SYNE1: variants seen among roughly 807,000 people sequenced by gnomAD.
The protein encoded by SYNE1 is spectrin repeat containing nuclear envelope protein 1, also known as nesprin-1.
SYNE1 carries 616 observed loss-of-function variants against 1,111.0 expected under a neutral mutation model. The ratio of observed to expected loss-of-function variants is 0.55; its 90% CI spans 0.52 to 0.59. SYNE1 has a LOEUF of 0.59. Ranked by LOEUF, SYNE1 falls within the 20% of genes least tolerant of loss-of-function variation. The pLI is 0.00. For missense variants in SYNE1, 10,006 were observed against 10,417.0 expected, an observed-to-expected ratio of 0.96 and a Z score of 1.72; for synonymous variants, 3,855 against 3,825.8, an observed-to-expected ratio of 1.01 and a Z score of -0.28.
intron 130 of SYNE1, among the ~76,000 whole-genome samples, chr6:152,175,401 G>A (rs2066188137): frequency 6.6e-6 from 1 of 152,156 alleles, no homozygotes; most frequent in South Asian, 2.1e-4. Flanking sequence ...GTACGCAGAG[G>A]ACATTGTTTC....
chr6:152,536,852 G>A (rs1486709663), intron 4 of SYNE1, among the ~76,000 whole-genome samples: 1 of 151,874 alleles, frequency 6.6e-6, no homozygotes, highest in Non-Finnish European at 1.5e-5. Context: ...TAAGCTTCTG[G>A]TTCATAATCT....
chr6:152,573,048 T>A (rs1242138695), intron 3 of SYNE1, among the ~76,000 whole-genome samples: 3 of 152,082 alleles, frequency 2.0e-5, no homozygotes, highest in Non-Finnish European at 4.4e-5. Context: ...TTGTTGAATA[T>A]CCTCAGGCAA....
chr6:152,318,644 C>T (rs1443581715), intron 85 of SYNE1, among the ~76,000 whole-genome samples: 5 of 152,226 alleles, frequency 3.3e-5, no homozygotes, highest in African/African-American at 1.2e-4. Flanking sequence ...CTTTCGTACA[C>T]ACTCATGCAT....
chr6:152,409,535 A>C, intron 43 of SYNE1, 24 bp downstream of exon 43: 1 of 1,612,284 alleles, frequency 6.2e-7, no homozygotes, highest in Non-Finnish European at 8.5e-7. Flanking sequence ...CAGAATACCA[A>C]CATAAACACA....
chr6:152,359,304 C>T lies in SYNE1; in HGVS notation c.10443+11G>A. 2 of 1,613,546 alleles carry T rather than the reference C, an allele frequency of 1.2e-6. No homozygotes were observed. The highest frequency in any genetic ancestry group is 1.7e-6 in the Non-Finnish European group (2 of 1,179,920). On this transcript the variant is annotated intron_variant, in intron 65 of 145. Coordinates refer to ENST00000367255, the MANE Select transcript of SYNE1 (RefSeq NM_182961.4). Reference sequence around the variant, plus strand: ...TTTTGGTGAGTCTACAAGGAAAGTGCTTTGCCGTACCTTGGCCCTCTCTTG... The same window carrying T: ...TTTTGGTGAGTCTACAAGGAAAGTGTTTTGCCGTACCTTGGCCCTCTCTTG...
At chr6:152,282,026 T>C in intron 96 of SYNE1, 46 bp from the exon 97 acceptor site, 2 of 1,592,450 alleles carry the variant, frequency 1.3e-6, no homozygotes, top group African/African-American at 1.3e-5. Flanking sequence ...TAAGGTAAAA[T>C]CTTGAGAATT....
At chr6:152,354,618 C>T (rs778663925) in intron 67 of SYNE1, 41 bp downstream of exon 67, 1 of 1,607,826 alleles carries the variant, frequency 6.2e-7, no homozygotes, top group Non-Finnish European at 8.5e-7. Context: ...TGCAAGGTAA[C>T]TGTAGCTTTG....
In SYNE1 at chr6:152,483,118, T is replaced by C. The variant is rs761176431; in HGVS notation, c.1317A>G (p.Ala439=). 1.2e-6 allele frequency: 2 copies of C among 1,614,260 alleles called. No homozygotes were observed. The highest frequency in any genetic ancestry group is 2.2e-5 in the South Asian group (2 of 91,090). Residue 439 remains alanine (A), a synonymous_variant, in exon 14 of 146, where the codon GCA becomes GCG. Coordinates refer to ENST00000367255, the MANE Select transcript of SYNE1 (RefSeq NM_182961.4). ...ITVQQVHEET[A]NTIQRKLEQH... ...GCTCAAGTTTCCGTTGTATCGTGTT[T>C]GCTGTTTCCTCGTGGACCTGTTGAA...
In SYNE1 at chr6:152,381,446, C is replaced by T. The variant is rs6908426; in HGVS notation, c.8653-84G>A. 2,018 of 1,421,936 alleles carry T rather than the reference C, an allele frequency of 1.4e-3. 21 individuals carry two copies. The African/African-American group carries it at 0.025, about 18-fold the overall frequency. 88.1% of individuals were successfully genotyped at this position (1,421,936 alleles called of 1,614,324 possible). ...TTTCAACTGTGTACACAGGGGGACC[C>T]TGTCCTGCCAGGAAGTTTTAACAAG... On this transcript the variant is annotated intron_variant, in intron 55 of 145. Coordinates refer to ENST00000367255, the MANE Select transcript of SYNE1 (RefSeq NM_182961.4).
intron 137 of SYNE1, chr6:152,145,392 G>A (rs1321507820): frequency 1.6e-6 from 2 of 1,225,852 alleles, no homozygotes; most frequent in East Asian, 2.4e-5. Context: ...ACATGCTAGA[G>A]CCACAAAGCT....
chr6:152,624,822 G>A (rs918359913), intron 3 of SYNE1, among the ~76,000 whole-genome samples: 3 of 152,138 alleles, frequency 2.0e-5, no homozygotes, highest in Admixed American at 6.5e-5. Flanking sequence ...CAATCTCTGT[G>A]TGTGCTTTAA....
intron 3 of SYNE1, among the ~76,000 whole-genome samples, chr6:152,571,067 T>C (rs2099452701): frequency 6.6e-6 from 1 of 152,002 alleles, no homozygotes; most frequent in African/African-American, 2.4e-5. Flanking sequence ...CTGGTCTTTT[T>C]TGACCTACAC....
chr6:152,133,423 T>C lies in SYNE1; in HGVS notation c.25854A>G (p.Gln8618=). Residue 8618 remains glutamine, a synonymous_variant, in exon 143 of 146, where the codon CAA becomes CAG. Transcript: ENST00000367255. The part of the protein sequence containing the change: ...RVASLQDMSC[Q]LLVNAEGTDC... ...CTGTTCCTTCAGCATTCACCAGTAGTTGGCAAGACATGTCTTGCAAAGAGG... is the reference window on the plus strand; with the variant it reads ...CTGTTCCTTCAGCATTCACCAGTAGCTGGCAAGACATGTCTTGCAAAGAGG... 2 of 1,614,218 alleles carry C rather than the reference T, an allele frequency of 1.2e-6. No homozygotes were observed. The highest frequency in any genetic ancestry group is 1.7e-6 in the Non-Finnish European group (2 of 1,180,032).
intron 4 of SYNE1, among the ~76,000 whole-genome samples, chr6:152,536,039 A>G (rs2099234375): frequency 6.6e-6 from 1 of 151,808 alleles, no homozygotes; most frequent in African/African-American, 2.4e-5. Context: ...GCTTATCCCA[A>G]AGTTAGACAC....
chr6:152,417,845 G>A (rs2098187122), intron 40 of SYNE1, among the ~76,000 whole-genome samples: 1 of 151,962 alleles, frequency 6.6e-6, no homozygotes, highest in African/African-American at 2.4e-5. Context: ...AAATCTAAAT[G>A]TTTAATTTTT....
Position 152,269,253 on chromosome 6 carries a change from C to T in SYNE1, c.18607G>A (p.Asp6203Asn). 6.2e-7 allele frequency: 1 copy of T among 1,614,184 alleles called. No homozygotes were observed. Among genetic ancestry groups the T allele is most frequent in the Middle Eastern group, 1.7e-4 (1 of 6,060 alleles). Residue 6203 changes from aspartate to asparagine, a missense_variant, in exon 99 of 146, where the codon GAC becomes AAC. Asp to Asn is a conservative substitution (Grantham distance 23). Transcript: ENST00000367255. Reference sequence around the variant, plus strand: ...CCGGGGCTCTGCGTGGCTGTTAGGTCAACATCGCTCTCCTCCTTCTCCTGT... The same window carrying T: ...CCGGGGCTCTGCGTGGCTGTTAGGTTAACATCGCTCTCCTCCTTCTCCTGT... ...TAQEKEESDV[D>N]LTATQSPGVQ...
intron 131 of SYNE1, 111 bp downstream of exon 131, chr6:152,164,052 C>G (rs2063099908): frequency 1.4e-6 from 2 of 1,453,664 alleles, no homozygotes; most frequent in East Asian, 2.3e-5. Flanking sequence ...TCCTGCCTAG[C>G]TCCCTGCTGA....
At chr6:152,598,126 T>C (rs2099586974) in intron 3 of SYNE1, among the ~76,000 whole-genome samples, 1 of 152,138 alleles carries the variant, frequency 6.6e-6, no homozygotes, top group Non-Finnish European at 1.5e-5. Flanking sequence ...CCCACCCAAA[T>C]CTAATCTTGA....
At chr6:152,210,595 T>C (rs1015106410) in intron 124 of SYNE1, among the ~76,000 whole-genome samples, 1 of 152,086 alleles carries the variant, frequency 6.6e-6, no homozygotes, top group Non-Finnish European at 1.5e-5. Context: ...GACAAAACTC[T>C]CAATAAAAAT....
Sources: gnomAD v4.1 joint callset for allele counts (sites outside exome capture counted in the v4.1 genomes callset) on GRCh38, gnomAD v4.1.1 for gene constraint, MANE v1.5 for transcripts, NCBI Gene and HGNC (gene_info 2026-07-23, HGNC 2026-07-21) for gene names.